The following ANKS1B variants were observed in gnomAD, a reference collection of about 807,000 sequenced individuals.
ANKS1B encodes ankyrin repeat and sterile alpha motif domain-containing protein 1B.
In ANKS1B, 36 loss-of-function variants were observed where a neutral mutation model predicts 148.3. That is an observed-to-expected ratio of 0.24 (90% CI 0.19 to 0.32). The LOEUF (loss-of-function observed/expected upper bound fraction) is 0.32, where lower values mean the gene tolerates loss of function less well. ANKS1B is among the 10% of genes least tolerant of loss of function. The probability of loss-of-function intolerance (pLI) is 1.00; values close to 1 mark genes in which losing one functional copy is unlikely to be tolerated. For synonymous variants in ANKS1B, 542 were observed against 560.8 expected, an observed-to-expected ratio of 0.97 and a Z score of 0.47; for missense variants, 1,157 against 1,542.6, an observed-to-expected ratio of 0.75 and a Z score of 4.19.
chr12:99,044,724 A>G (rs1013718943), intron 17 of ANKS1B, among the ~76,000 whole-genome samples: 1 of 152,198 alleles, frequency 6.6e-6, no homozygotes, highest in African/African-American at 2.4e-5. Context: ...TACAAAAAAC[A>G]TAGAGAGGCA....
At chr12:99,242,335 A>C (rs1202104133) in intron 14 of ANKS1B, among the ~76,000 whole-genome samples, 1 of 152,224 alleles carries the variant, frequency 6.6e-6, no homozygotes, top group African/African-American at 2.4e-5. Context: ...CCAATTTACA[A>C]GGGATGTGAA....
intron 9 of ANKS1B, among the ~76,000 whole-genome samples, chr12:99,517,635 A>C (rs2096834991): frequency 6.6e-6 from 1 of 151,806 alleles, no homozygotes; most frequent in Non-Finnish European, 1.5e-5. Context: ...AGGCTGAGGC[A>C]GGAGAATCGC....
intron 9 of ANKS1B, among the ~76,000 whole-genome samples, chr12:98,738,658 A>G (rs1301281204): frequency 6.6e-6 from 1 of 152,212 alleles, no homozygotes; most frequent in East Asian, 1.9e-4. Flanking sequence ...CAAATCTGCT[A>G]TTCTTTATAG....
intron 10 of ANKS1B, among the ~76,000 whole-genome samples, chr12:99,466,730 C>G (rs142356801): frequency 0.012 from 1,783 of 152,076 alleles, 44 homozygotes; most frequent in African/African-American, 0.041. Context: ...CCTCCCAAGA[C>G]TAAACCAGGA....
intron 17 of ANKS1B, among the ~76,000 whole-genome samples, chr12:99,048,028 C>T (rs1274554676): frequency 1.3e-5 from 2 of 152,144 alleles, no homozygotes; most frequent in Admixed American, 1.3e-4. Context: ...CCTATATTTT[C>T]ATTTTGCACT....
At chr12:99,412,263 T>A (rs2094735015) in intron 11 of ANKS1B, among the ~76,000 whole-genome samples, 1 of 152,192 alleles carries the variant, frequency 6.6e-6, no homozygotes, top group African/African-American at 2.4e-5. Context: ...TCCTCAACCA[T>A]CTGGTGTCTT....
chr12:99,408,562 C>T (rs1034148678), intron 11 of ANKS1B, among the ~76,000 whole-genome samples: 1 of 144,538 alleles, frequency 6.9e-6, no homozygotes, highest in African/African-American at 2.6e-5. Context: ...GAAGAGACCA[C>T]CTAAAGAATG....
intron 14 of ANKS1B, among the ~76,000 whole-genome samples, chr12:99,170,669 G>T (rs544547362): frequency 7.9e-5 from 12 of 152,204 alleles, no homozygotes; most frequent in African/African-American, 2.9e-4. Context: ...AGACAAAAAT[G>T]CATGGGGTGA....
intron 9 of ANKS1B, among the ~76,000 whole-genome samples, chr12:99,523,245 T>A (rs1397970277): frequency 6.6e-6 from 1 of 152,092 alleles, no homozygotes; most frequent in African/African-American, 2.4e-5. Flanking sequence ...CCGTTTTCTG[T>A]GAACATAAGT....
chr12:99,872,792 G>A (rs1565901547), intron 1 of ANKS1B, among the ~76,000 whole-genome samples: 4 of 151,994 alleles, frequency 2.6e-5, no homozygotes, highest in Admixed American at 1.3e-4. Flanking sequence ...TAATCTATAT[G>A]TTAGGTTTAC....
At chr12:99,608,133 G>C (rs2097864679) in intron 9 of ANKS1B, among the ~76,000 whole-genome samples, 1 of 152,064 alleles carries the variant, frequency 6.6e-6, no homozygotes, top group African/African-American at 2.4e-5. Flanking sequence ...TTTTCACAAT[G>C]TACCTTGTTG....
At chr12:99,531,874 T>A (rs1186080015) in intron 9 of ANKS1B, among the ~76,000 whole-genome samples, 1 of 152,218 alleles carries the variant, frequency 6.6e-6, no homozygotes, top group East Asian at 1.9e-4. Flanking sequence ...TATTGTTTTT[T>A]GACTTTTTGA....
At chr12:98,855,544 A>T (rs1416761212) in intron 17 of ANKS1B, among the ~76,000 whole-genome samples, 1 of 152,240 alleles carries the variant, frequency 6.6e-6, no homozygotes, top group African/African-American at 2.4e-5. Context: ...AACTATATGG[A>T]GTACCTGGAA....
At chr12:99,819,165 T>C (rs2082212133) in intron 2 of ANKS1B, among the ~76,000 whole-genome samples, 1 of 151,898 alleles carries the variant, frequency 6.6e-6, no homozygotes, top group Non-Finnish European at 1.5e-5. Flanking sequence ...TTCTCTTTAA[T>C]GGGAATAAAG....
chr12:98,957,641 C>T (rs960238338), intron 17 of ANKS1B, among the ~76,000 whole-genome samples: 6 of 152,056 alleles, frequency 3.9e-5, no homozygotes, highest in South Asian at 2.1e-4. Context: ...CTGCCATGCC[C>T]GGCCTTCAGG....
intron 8 of ANKS1B, among the ~76,000 whole-genome samples, chr12:99,761,337 A>C (rs2062093252): frequency 6.6e-6 from 1 of 151,852 alleles, no homozygotes; most frequent in Non-Finnish European, 1.5e-5. Flanking sequence ...TAGTGCATCA[A>C]AAACTTACGA....
intron 9 of ANKS1B, chr12:99,648,073 T>C (rs2098388895): frequency 6.7e-7 from 1 of 1,489,152 alleles, no homozygotes; most frequent in South Asian, 1.3e-5. Context: ...ACACGACTGC[T>C]GGCCCACCTG....
intron 15 of ANKS1B, among the ~76,000 whole-genome samples, chr12:99,104,078 G>T (rs1482096094): frequency 6.6e-6 from 1 of 152,142 alleles, no homozygotes; most frequent in East Asian, 1.9e-4. Flanking sequence ...TAGGGCAGAG[G>T]ATATTAATAG....
intron 17 of ANKS1B, 74 bp from the exon 18 acceptor site, chr12:98,832,210 G>A (rs2153696248): frequency 8.2e-7 from 1 of 1,216,634 alleles, no homozygotes. Flanking sequence ...AAACATGTGG[G>A]GTGAAAAAAG....
Sources: allele counts gnomAD v4.1 joint callset (sites outside exome capture counted in the v4.1 genomes callset), GRCh38; gene constraint gnomAD v4.1.1; transcripts MANE v1.5; gene names NCBI Gene and HGNC (gene_info 2026-07-23, HGNC 2026-07-21).